The following ETS1 variants were observed in gnomAD, a reference collection of about 807,000 sequenced individuals.
ETS1 encodes ETS proto-oncogene 1, transcription factor.
A neutral mutation model predicts 58.6 loss-of-function variants in ETS1; 15 were observed. The observed-to-expected ratio is 0.26, with a 90% CI of 0.17 to 0.39. The LOEUF is 0.39. Among genes scored for constraint, ETS1 ranks in the 10% least tolerant of loss-of-function variants. ETS1 has a pLI of 1.00. For missense variants in ETS1, 417 were observed against 610.5 expected, an observed-to-expected ratio of 0.68 and a Z score of 3.34; for synonymous variants, 214 against 218.2, an observed-to-expected ratio of 0.98 and a Z score of 0.17.
At chr11:128,509,248 T>C (rs1398304197) in intron 3 of ETS1, among the ~76,000 whole-genome samples, 1 of 152,242 alleles carries the variant, frequency 6.6e-6, no homozygotes, top group Non-Finnish European at 1.5e-5. Flanking sequence ...AAATCTCCAA[T>C]TGAATCAGAG....
At chr11:128,537,651 G>T (rs1377833534) in intron 3 of ETS1, among the ~76,000 whole-genome samples, 1 of 152,144 alleles carries the variant, frequency 6.6e-6, no homozygotes, top group Non-Finnish European at 1.5e-5. Context: ...AAAACACTGG[G>T]AAACCTACTA....
rs369915212 is a variant in ETS1, at chr11:128,460,096, AC to A, written c.*2264del. On this transcript the variant is annotated 3_prime_UTR_variant, in exon 10 of 10. Coordinates refer to ENST00000392668, the MANE Select transcript of ETS1 (RefSeq NM_001143820.2). ...AACACACACACACACACACACACACACACACACACACACACACACAACATTC... is the reference window on the plus strand; with the variant it reads ...AACACACACACACACACACACACACAACACACACACACACACACAACATTC... The A allele has an allele frequency of 2.2e-5, 1 of 45,974 alleles. No individual in the cohort carries two copies. Among genetic ancestry groups the A allele is most frequent in the East Asian group, 8.9e-4 (1 of 1,126 alleles). The allele number at this position is 45,974 out of a possible 1,614,324, so 2.8% of individuals were successfully genotyped here.
chr11:128,517,462 G>A (rs143957817), intron 3 of ETS1, among the ~76,000 whole-genome samples: 1 of 152,346 alleles, frequency 6.6e-6, no homozygotes, highest in Non-Finnish European at 1.5e-5. Flanking sequence ...ACACCTCAGA[G>A]TAAGTGTGAA....
intron 7 of ETS1, among the ~76,000 whole-genome samples, chr11:128,483,492 T>C (rs900146458): frequency 6.6e-6 from 1 of 152,164 alleles, no homozygotes; most frequent in African/African-American, 2.4e-5. Flanking sequence ...GTACACACAC[T>C]TGTGTGTATG....
chr11:128,512,901 G>T (rs915918897), intron 3 of ETS1, among the ~76,000 whole-genome samples: 2 of 152,278 alleles, frequency 1.3e-5, no homozygotes, highest in East Asian at 1.9e-4. Context: ...GAAGCAGCTG[G>T]ACTAGCTGCT....
At chr11:128,493,694 A>G (rs893377630) in intron 3 of ETS1, among the ~76,000 whole-genome samples, 3 of 152,216 alleles carry the variant, frequency 2.0e-5, no homozygotes. Flanking sequence ...AAAGTGTGGA[A>G]TTGTAGTTTA....
chr11:128,546,826 A>C (rs1483765962), intron 3 of ETS1, among the ~76,000 whole-genome samples: 2 of 152,056 alleles, frequency 1.3e-5, no homozygotes, highest in Non-Finnish European at 2.9e-5. Flanking sequence ...ATATGACATA[A>C]GGATGCTGGG....
rs182566946 is a variant in ETS1 at position 128,534,889 on chromosome 11, G to A, written c.214+21402C>T. Among the ~76,000 whole-genome samples the A allele has an allele frequency of 1.7e-3, 256 of 152,198 alleles. 2 individuals are homozygous for A. The highest frequency in any genetic ancestry group is 2.7e-3 in the Non-Finnish European group (184 of 68,010). On this transcript the variant is annotated intron_variant, in intron 3 of 9. Transcript: ENST00000392668. ...GTGAATATTGCTGCAATGAACATAC[G>A]CGTGCATGTTATCTTTATAATAGAA...
rs527435238 is a variant in ETS1 at position 128,470,466 on chromosome 11, T to G, written c.1124-6839A>C. 2.6e-5 allele frequency among the ~76,000 whole-genome samples: 4 copies of G among 152,282 alleles called. No individual in the cohort carries two copies. The East Asian group carries it at 7.7e-4, about 29-fold the overall frequency. On this transcript the variant is annotated intron_variant, in intron 8 of 9. Transcript: ENST00000392668. ...ACTTTTTCCTTTCCTAAAATGGAAA[T>G]AGTAATCTCTGCTTCTCTTTAGTTT...
intron 3 of ETS1, among the ~76,000 whole-genome samples, chr11:128,516,766 AG>A (rs1863535979): frequency 6.6e-6 from 1 of 152,236 alleles, no homozygotes; most frequent in African/African-American, 2.4e-5. Flanking sequence ...TATGAGGCAT[AG>A]GCAGCAAATG....
At chr11:128,566,627 C>CA (rs770602252) in intron 2 of ETS1, among the ~76,000 whole-genome samples, 11 of 152,030 alleles carry the variant, frequency 7.2e-5, no homozygotes, top group South Asian at 4.2e-4. Flanking sequence ...ACTAAAAATA[C>CA]AAAAAATTAG....
chr11:128,510,067 T>C (rs764169342), intron 3 of ETS1, among the ~76,000 whole-genome samples: 3 of 152,202 alleles, frequency 2.0e-5, no homozygotes, highest in East Asian at 1.9e-4. Context: ...TTGGTTTCCA[T>C]TAGGAGGCAA....
intron 3 of ETS1, among the ~76,000 whole-genome samples, chr11:128,527,804 G>A (rs1863827847): frequency 6.6e-6 from 1 of 152,154 alleles, no homozygotes; most frequent in Admixed American, 6.5e-5. Flanking sequence ...CTTTTCTCTT[G>A]GGTTACAAAG....
intron 2 of ETS1, among the ~76,000 whole-genome samples, chr11:128,560,482 G>A (rs1421817731): frequency 6.6e-6 from 1 of 152,188 alleles, no homozygotes; most frequent in Non-Finnish European, 1.5e-5. Flanking sequence ...TTACAGAAGA[G>A]CAAACAGGTT....
chr11:128,478,272 GAGGA>G (rs966259921), intron 8 of ETS1, among the ~76,000 whole-genome samples: 3 of 148,112 alleles, frequency 2.0e-5, no homozygotes, highest in Admixed American at 6.8e-5. Context: ...GGAAAGGAGG[GAGGA>G]AGGGAGGAAG....
chr11:128,517,572 C>T (rs1006979766), intron 3 of ETS1, among the ~76,000 whole-genome samples: 1 of 152,236 alleles, frequency 6.6e-6, no homozygotes, highest in Non-Finnish European at 1.5e-5. Context: ...CAAGAACCTA[C>T]CACCTTCAAT....
chr11:128,551,513 G>A (rs1264988494), intron 3 of ETS1, among the ~76,000 whole-genome samples: 1 of 152,180 alleles, frequency 6.6e-6, no homozygotes, highest in Admixed American at 6.5e-5. Context: ...ATTTTAGTGA[G>A]ATCCAAAGCC....
In ETS1 at chr11:128,459,652, G is replaced by T. The variant is rs982032126; in HGVS notation, c.*2709C>A. The T allele has an allele frequency of 4.6e-5, 7 of 152,780 alleles. No individual in the cohort carries two copies. Among genetic ancestry groups the T allele is most frequent in the Non-Finnish European group, 7.3e-5 (5 of 68,044 alleles). 9.5% of individuals were successfully genotyped at this position (152,780 alleles called of 1,614,324 possible). Reference sequence around the variant, plus strand: ...AAAGCATAAACGCAACATTTCCAGTGTATAAACCACCCACCACTCTTCCTG... The same window carrying T: ...AAAGCATAAACGCAACATTTCCAGTTTATAAACCACCCACCACTCTTCCTG... On this transcript the variant is annotated 3_prime_UTR_variant, in exon 10 of 10. Transcript: ENST00000392668.
intron 3 of ETS1, among the ~76,000 whole-genome samples, chr11:128,494,727 G>A (rs1201717361): frequency 2.0e-5 from 3 of 152,164 alleles, no homozygotes; most frequent in Non-Finnish European, 2.9e-5. Context: ...AACACTAGGT[G>A]GCTTTTGTTT....
Sources: allele counts gnomAD v4.1 joint callset (sites outside exome capture counted in the v4.1 genomes callset), GRCh38; gene constraint gnomAD v4.1.1; transcripts MANE v1.5; gene names NCBI Gene and HGNC (gene_info 2026-07-23, HGNC 2026-07-21).